COG5: variants seen among roughly 807,000 people sequenced by gnomAD.
The protein encoded by COG5 is component of oligomeric golgi complex 5, also known as conserved oligomeric Golgi complex subunit 5.
COG5 carries 86 observed loss-of-function variants against 110.4 expected under a neutral mutation model. The observed-to-expected ratio is 0.78, with a 90% CI of 0.65 to 0.93. The LOEUF (loss-of-function observed/expected upper bound fraction) is 0.93. Among genes scored for constraint, COG5 ranks in the 40% least tolerant of loss-of-function variants. COG5 has a pLI of 0.00. For synonymous variants in COG5, 360 were observed against 334.6 expected, an observed-to-expected ratio of 1.08 and a Z score of -0.83; for missense variants, 1,077 against 987.0, an observed-to-expected ratio of 1.09 and a Z score of -1.22.
chr7:107,457,751 C>T (rs548502292), intron 6 of COG5, among the ~76,000 whole-genome samples: 2 of 151,924 alleles, frequency 1.3e-5, no homozygotes, highest in Admixed American at 6.6e-5. Context: ...TTTTTGAAGT[C>T]TAAGAAAGAG....
At chr7:107,284,206 G>A (rs1805436825) in intron 12 of COG5, among the ~76,000 whole-genome samples, 1 of 152,210 alleles carries the variant, frequency 6.6e-6, no homozygotes, top group Non-Finnish European at 1.5e-5. Flanking sequence ...TTACACGTGT[G>A]AGCAACCGTG....
rs1351490604 is a variant in COG5 at position 107,201,530 on chromosome 7, G to T, written c.*1986C>A. 8.8e-6 allele frequency: 6 copies of T among 685,054 alleles called. No homozygotes were observed. Among genetic ancestry groups the T allele is most frequent in the Admixed American group, 2.3e-5 (1 of 43,482 alleles). The allele number at this position is 685,054 out of a possible 1,614,324, so 42.4% of individuals were successfully genotyped here. A position where few individuals can be genotyped will look rare whatever the true frequency, so the allele number is the denominator to read the frequency against. On this transcript the variant is annotated 3_prime_UTR_variant, in exon 22 of 22. Transcript: ENST00000297135. The stretch of plus-strand genomic sequence containing the variant: ...AGGTCTCACCATTTGTCCTCAATTC[G>T]TGTGACCATAAGATACTGATAGCAT...
At chr7:107,240,500 G>C (rs1801528215) in intron 17 of COG5, among the ~76,000 whole-genome samples, 1 of 152,218 alleles carries the variant, frequency 6.6e-6, no homozygotes, top group Non-Finnish European at 1.5e-5. Flanking sequence ...ACAGGCGTGA[G>C]CCACCATGCC....
chr7:107,415,950 ATGTG>A (rs1221670782), intron 6 of COG5, among the ~76,000 whole-genome samples: 18 of 106,284 alleles, frequency 1.7e-4, no homozygotes, highest in South Asian at 2.7e-4. Flanking sequence ...GTATGTATGT[ATGTG>A]TGTGTATATA....
In COG5 at chr7:107,474,888, T is replaced by G; in HGVS notation, c.538+52349A>C. On this transcript the variant is annotated intron_variant, in intron 6 of 21. Transcript: ENST00000297135. This position sits in a 1 kb window ranked among gnomAD's most constrained non-coding sequence, Gnocchi z 5.7. ...CTACAGACATGTCACAAAGCAGTGG[T>G]GGGAGAAATGTAGTCTTTGGTGTAA... 1 of 1,613,218 alleles carries G rather than the reference T, an allele frequency of 6.2e-7. No homozygotes were observed.
chr7:107,560,622 AAC>A (rs2129181178), intron 1 of COG5, among the ~76,000 whole-genome samples: 1 of 152,374 alleles, frequency 6.6e-6, no homozygotes, highest in African/African-American at 2.4e-5. Flanking sequence ...CAACATAGTA[AAC>A]ACAGATAACA....
intron 11 of COG5, among the ~76,000 whole-genome samples, chr7:107,311,173 T>G (rs1292744880): frequency 6.6e-6 from 1 of 152,132 alleles, no homozygotes; most frequent in Non-Finnish European, 1.5e-5. Context: ...TATATAATTT[T>G]GTTGAGAACT....
chr7:107,552,692 A>G (rs1802999838), intron 3 of COG5, among the ~76,000 whole-genome samples: 1 of 152,196 alleles, frequency 6.6e-6, no homozygotes, highest in Admixed American at 6.5e-5. Flanking sequence ...AGGTACAGCC[A>G]CTGTGGAAAG....
intron 14 of COG5, among the ~76,000 whole-genome samples, chr7:107,275,885 C>A (rs998300120): frequency 3.3e-5 from 5 of 151,916 alleles, no homozygotes; most frequent in African/African-American, 4.8e-5. Flanking sequence ...TGTCTCTATA[C>A]CATTTAAATA....
At chr7:107,512,452 G>A (rs1371461277) in intron 6 of COG5, among the ~76,000 whole-genome samples, 33 of 151,200 alleles carry the variant, frequency 2.2e-4, no homozygotes, top group African/African-American at 4.1e-4. Flanking sequence ...AATCAATATC[G>A]TGAAAATGGC....
intron 6 of COG5, among the ~76,000 whole-genome samples, chr7:107,516,201 T>A (rs1799910676): frequency 6.6e-6 from 1 of 152,182 alleles, no homozygotes; most frequent in African/African-American, 2.4e-5. Context: ...AATAGTATAC[T>A]TTTCATTTTC....
At chr7:107,336,343 T>A (rs768657783) in intron 10 of COG5, among the ~76,000 whole-genome samples, 48 of 152,128 alleles carry the variant, frequency 3.2e-4, no homozygotes, top group Non-Finnish European at 5.4e-4. Flanking sequence ...GAAATGTGGA[T>A]CTCATGAAGA....
chr7:107,214,214 C>CA (rs1374575194), intron 19 of COG5, among the ~76,000 whole-genome samples: 1 of 151,856 alleles, frequency 6.6e-6, no homozygotes, highest in Non-Finnish European at 1.5e-5. Flanking sequence ...AATAAACTGT[C>CA]AAAAATAAAA....
rs563727099 is a variant in COG5 at position 107,202,761 on chromosome 7, A to G, written c.*755T>C. On this transcript the variant is annotated 3_prime_UTR_variant, in exon 22 of 22. Coordinates refer to ENST00000297135, the MANE Select transcript of COG5 (RefSeq NM_006348.5). The stretch of plus-strand genomic sequence containing the variant: ...ACTATTTATAGAGAATTGCTATACA[A>G]TAAAAATTTTTATTTTTCACGTGGC... 1 of 152,324 alleles carries G rather than the reference A, an allele frequency of 6.6e-6. No homozygotes were observed. The highest frequency in any genetic ancestry group is 2.1e-4 in the South Asian group (1 of 4,824). 9.4% of individuals were successfully genotyped at this position (152,324 alleles called of 1,614,324 possible). A position where few individuals can be genotyped will look rare whatever the true frequency, so the allele number is the denominator to read the frequency against.
chr7:107,375,363 T>C (rs1814540154), intron 7 of COG5, among the ~76,000 whole-genome samples: 1 of 152,008 alleles, frequency 6.6e-6, no homozygotes, highest in Admixed American at 6.5e-5. Context: ...CATATATACA[T>C]ATGCATTTCT....
chr7:107,532,277 G>C (rs758658805), intron 5 of COG5, among the ~76,000 whole-genome samples: 3 of 151,990 alleles, frequency 2.0e-5, no homozygotes, highest in Admixed American at 6.6e-5. Context: ...GGCTGATCTC[G>C]AACTCCTGAC....
At chr7:107,218,682 C>A (rs552883551) in intron 19 of COG5, among the ~76,000 whole-genome samples, 3 of 151,890 alleles carry the variant, frequency 2.0e-5, no homozygotes, top group Non-Finnish European at 2.9e-5. Flanking sequence ...TTAGGTCATA[C>A]CATATAAAAA....
At position 107,474,465 on chromosome 7, in the gene COG5, T is replaced by G. The variant is rs1389935649; in HGVS notation, c.538+52772A>C. On this transcript the variant is annotated intron_variant, in intron 6 of 21. Transcript: ENST00000297135. The surrounding 1 kb of genome is among the most constrained non-coding windows in gnomAD (Gnocchi z 5.7). ...TCTCAACAGCAATCAACGTTTTTGCTATCACTTTGGACAGATATGACATCT... is the reference window on the plus strand; with the variant it reads ...TCTCAACAGCAATCAACGTTTTTGCGATCACTTTGGACAGATATGACATCT... The G allele has an allele frequency of 1.2e-6, 2 of 1,613,450 alleles. No individual in the cohort carries two copies. The highest frequency in any genetic ancestry group is 2.7e-5 in the African/African-American group (2 of 75,010).
chr7:107,241,449 TTTTA>T (rs1469472545), intron 17 of COG5, among the ~76,000 whole-genome samples: 8 of 148,514 alleles, frequency 5.4e-5, no homozygotes, highest in East Asian at 1.9e-4. Flanking sequence ...TATATTTATT[TTTTA>T]TTTATTTATT....
Sources: allele counts gnomAD v4.1 joint callset (sites outside exome capture counted in the v4.1 genomes callset), GRCh38; gene constraint gnomAD v4.1.1; non-coding constraint Gnocchi (gnomAD v3.1); transcripts MANE v1.5; gene names NCBI Gene and HGNC (gene_info 2026-07-23, HGNC 2026-07-21).